The following GNPAT variants were observed in gnomAD, a reference collection of about 807,000 sequenced individuals.
GNPAT encodes the protein dihydroxyacetone phosphate acyltransferase.
In GNPAT, 30 loss-of-function variants were observed where a neutral mutation model predicts 78.4. The ratio of observed to expected loss-of-function variants is 0.38; its 90% confidence interval spans 0.29 to 0.52. The LOEUF (loss-of-function observed/expected upper bound fraction) is 0.52, where lower values mean the gene tolerates loss of function less well. Ranked by LOEUF, GNPAT falls within the 20% of genes least tolerant of loss-of-function variation. The probability of loss-of-function intolerance (pLI) is 0.84; values close to 1 mark genes in which losing one functional copy is unlikely to be tolerated. For synonymous variants in GNPAT, 271 were observed against 281.1 expected (o/e 0.96, Z 0.36); for missense variants, 714 against 812.2 (o/e 0.88, Z 1.47).
intron 2 of GNPAT, among the ~76,000 whole-genome samples, chr1:231,251,365 C>A (rs1182485891): frequency 6.6e-6 from 1 of 151,980 alleles, no homozygotes; most frequent in East Asian, 1.9e-4. Context: ...GTCGTCTGGG[C>A]ATAAGTGAAA....
At chr1:231,267,635 T>C (rs1331115769) in intron 8 of GNPAT, 45 bp from the exon 9 acceptor site, 1 of 1,085,912 alleles carries the variant, frequency 9.2e-7, no homozygotes, top group East Asian at 2.4e-5. Context: ...CCCATTTGTC[T>C]AAGTAACAGA....
At position 231,277,686 on chromosome 1, in the gene GNPAT, T is replaced by G; in HGVS notation, c.*144T>G. On this transcript the variant is annotated 3_prime_UTR_variant, in exon 16 of 16. Transcript: ENST00000366647. The stretch of plus-strand genomic sequence containing the variant: ...GAACAGTGGACGCAGAGGGAAGAGA[T>G]GATCATTGGAAGCAATCAGTTTACT... 1.5e-6 allele frequency: 1 copy of G among 669,054 alleles called. No homozygotes were observed. The highest frequency in any genetic ancestry group is 2.7e-5 in the East Asian group (1 of 37,488). 41.4% of individuals were successfully genotyped at this position (669,054 alleles called of 1,614,324 possible). A position where few individuals can be genotyped will look rare whatever the true frequency, so the allele number is the denominator to read the frequency against.
intron 1 of GNPAT, among the ~76,000 whole-genome samples, chr1:231,248,583 T>G (rs938820648): frequency 6.6e-6 from 1 of 151,684 alleles, no homozygotes; most frequent in Admixed American, 6.6e-5. Context: ...AAAAAAAACT[T>G]AAATGTAAAA....
At chr1:231,271,553 G>T (rs1290177324) in intron 10 of GNPAT, among the ~76,000 whole-genome samples, 1 of 152,238 alleles carries the variant, frequency 6.6e-6, no homozygotes, top group African/African-American at 2.4e-5. Context: ...TTGACCTGGG[G>T]TATGGGCCAG....
intron 2 of GNPAT, among the ~76,000 whole-genome samples, chr1:231,251,398 G>GCAC: frequency 6.6e-6 from 1 of 152,228 alleles, no homozygotes; most frequent in Middle Eastern, 3.4e-3. Context: ...CATGCTAGTG[G>GCAC]GAGCCCAGTG....
At chr1:231,252,599 T>C (rs976165081) in intron 2 of GNPAT, among the ~76,000 whole-genome samples, 2 of 152,206 alleles carry the variant, frequency 1.3e-5, no homozygotes, top group Admixed American at 6.5e-5. Flanking sequence ...ATGACTGGCC[T>C]CATTTTTGCT....
intron 1 of GNPAT, among the ~76,000 whole-genome samples, chr1:231,243,784 C>G (rs1277636616): frequency 6.6e-6 from 1 of 152,006 alleles, no homozygotes. Flanking sequence ...CAGATATTTC[C>G]TAAAGAAATT....
At chr1:231,252,746 A>G (rs1469469596) in intron 2 of GNPAT, among the ~76,000 whole-genome samples, 1 of 152,192 alleles carries the variant, frequency 6.6e-6, no homozygotes, top group East Asian at 1.9e-4. Flanking sequence ...TCTTAAAGGA[A>G]AACAAGCATG....
In GNPAT at chr1:231,241,233, C is replaced by T. The variant is rs954292961; in HGVS notation, c.-146C>T. The T allele has an allele frequency of 2.7e-6, 4 of 1,480,530 alleles. No individual in the cohort carries two copies. The highest frequency in any genetic ancestry group is 1.7e-5 in the Admixed American group (1 of 58,924). The allele number at this position is 1,480,530 out of a possible 1,614,324, so 91.7% of individuals were successfully genotyped here. ...GCTTCCGTCCTGGCTGAGATGGCGG[C>T]GCCCGGGATCCTGTGTAGCGGCTGC... On this transcript the variant is annotated 5_prime_UTR_variant, in exon 1 of 16. Transcript: ENST00000366647.
At chr1:231,277,380 C>T in intron 15 of GNPAT, 119 bp from the exon 16 acceptor site, 1 of 753,114 alleles carries the variant, frequency 1.3e-6, no homozygotes, top group Non-Finnish European at 2.4e-6. Context: ...TACTGGCCAG[C>T]CTGTGAAGCT....
intron 12 of GNPAT, among the ~76,000 whole-genome samples, chr1:231,274,737 G>A (rs1685663212): frequency 6.6e-6 from 1 of 152,140 alleles, no homozygotes; most frequent in Non-Finnish European, 1.5e-5. Flanking sequence ...CTTGTGGTCC[G>A]TGAAATAACT....
chr1:231,242,235 G>A (rs1684632228), intron 1 of GNPAT, among the ~76,000 whole-genome samples: 1 of 152,088 alleles, frequency 6.6e-6, no homozygotes, highest in Admixed American at 6.5e-5. Context: ...GTTTCTTGTT[G>A]TTTTTAACCA....
At chr1:231,274,096 C>T in intron 12 of GNPAT, 34 bp downstream of exon 12, 1 of 1,583,212 alleles carries the variant, frequency 6.3e-7, no homozygotes, top group Non-Finnish European at 8.7e-7. Context: ...CTTCATGCCC[C>T]CCATATCAAA....
At chr1:231,257,422 C>G (rs770925175) in intron 2 of GNPAT, among the ~76,000 whole-genome samples, 2 of 152,130 alleles carry the variant, frequency 1.3e-5, no homozygotes, top group Non-Finnish European at 2.9e-5. Flanking sequence ...GTAAAGGTTA[C>G]CATGGATCTC....
At chr1:231,256,690 T>G (rs6689655) in intron 2 of GNPAT, among the ~76,000 whole-genome samples, 87,853 of 151,578 alleles carry the variant, frequency 0.58, 25,792 homozygotes, top group African/African-American at 0.65. Flanking sequence ...GTTTCACTTT[T>G]TTAGCCAGGA....
rs1571952302 is a variant in GNPAT at position 231,267,921 on chromosome 1, A to G, written c.1279+18A>G. 4.3e-6 allele frequency: 6 copies of G among 1,397,620 alleles called. No homozygotes were observed. Among genetic ancestry groups the G allele is most frequent in the East Asian group, 2.3e-5 (1 of 43,894 alleles). 86.6% of individuals were successfully genotyped at this position (1,397,620 alleles called of 1,614,324 possible). On this transcript the variant is annotated intron_variant, in intron 9 of 15. Transcript: ENST00000366647. ...TTGGCCTGGTATGTAGGTAGGACAT[A>G]TGTGTTGAGAATGCTTGCTTAATTT...
intron 2 of GNPAT, among the ~76,000 whole-genome samples, chr1:231,251,933 A>G (rs1179008660): frequency 6.6e-6 from 1 of 152,226 alleles, no homozygotes; most frequent in East Asian, 1.9e-4. Context: ...TACTGAAACT[A>G]GTTCAGTATG....
In GNPAT at chr1:231,275,232, G is replaced by A; in HGVS notation, c.1755G>A (p.Lys585=). The change falls in exon 13 of 16, where the codon AAG becomes AAA. Residue 585 remains lysine (K), a synonymous_variant. Transcript: ENST00000366647. The part of the protein sequence containing the change: ...PFVESYQIIC[K]YLLSEEEDHF... ...CCTCTTAAAATCAGATAATTTGCAA[G>A]TACCTTTTGAGTGAAGAAGAGGACC... 1 of 1,600,356 alleles carries A rather than the reference G, an allele frequency of 6.2e-7. No homozygotes were observed. The highest frequency in any genetic ancestry group is 8.6e-7 in the Non-Finnish European group (1 of 1,167,412).
intron 1 of GNPAT, among the ~76,000 whole-genome samples, chr1:231,242,149 T>G (rs2102792562): frequency 6.6e-6 from 1 of 152,272 alleles, no homozygotes; most frequent in Non-Finnish European, 1.5e-5. Flanking sequence ...ACGATTTTCA[T>G]GAAGAAATTA....
Sources: gnomAD v4.1 joint callset for allele counts (sites outside exome capture counted in the v4.1 genomes callset) on GRCh38, gnomAD v4.1.1 for gene constraint, MANE v1.5 for transcripts, NCBI Gene and HGNC (gene_info 2026-07-23, HGNC 2026-07-21) for gene names.